Variants in HPSE2 observed in about 807,000 individuals in gnomAD.
HPSE2 encodes the protein inactive heparanase-2.
HPSE2 carries 38 observed loss-of-function variants against 60.5 expected under a neutral mutation model. The observed-to-expected ratio is 0.63, with a 90% CI of 0.48 to 0.82. HPSE2 has a LOEUF of 0.82. Among genes scored for constraint, HPSE2 ranks in the 40% least tolerant of loss-of-function variants. HPSE2 has a pLI of 0.00. For synonymous variants in HPSE2, 295 were observed against 293.2 expected (o/e 1.01, Z -0.06); for missense variants, 713 against 740.4 (o/e 0.96, Z 0.43).
intron 9 of HPSE2, among the ~76,000 whole-genome samples, chr10:98,604,432 A>G (rs962408128): frequency 7.2e-5 from 11 of 152,196 alleles, no homozygotes; most frequent in Non-Finnish European, 1.6e-4. Flanking sequence ...ATCAATAGAA[A>G]TCTCCCAAAT....
intron 2 of HPSE2, among the ~76,000 whole-genome samples, chr10:99,168,127 C>CACACACAT (rs59686037): frequency 2.7e-5 from 4 of 145,790 alleles, no homozygotes; most frequent in African/African-American, 7.5e-5. Flanking sequence ...CACACACACA[C>CACACACAT]GGCTTTGTAG....
At chr10:98,976,592 C>T (rs550916481) in intron 3 of HPSE2, among the ~76,000 whole-genome samples, 2 of 152,120 alleles carry the variant, frequency 1.3e-5, no homozygotes, top group African/African-American at 4.8e-5. Context: ...TCTAACGATA[C>T]AATTCTTAAC....
intron 4 of HPSE2, among the ~76,000 whole-genome samples, chr10:98,729,089 G>T (rs1430119451): frequency 6.6e-6 from 1 of 151,902 alleles, no homozygotes; most frequent in Non-Finnish European, 1.5e-5. Context: ...ACATAAAAAG[G>T]CATGAAAAGT....
intron 9 of HPSE2, among the ~76,000 whole-genome samples, chr10:98,554,283 TA>T (rs997463516): frequency 2.0e-5 from 3 of 152,208 alleles, no homozygotes; most frequent in African/African-American, 7.2e-5. Context: ...TCTTTGTTCC[TA>T]TTATTTGCCT....
At chr10:98,697,206 C>T (rs554261939) in intron 5 of HPSE2, among the ~76,000 whole-genome samples, 10 of 152,276 alleles carry the variant, frequency 6.6e-5, no homozygotes, top group South Asian at 4.1e-4. Context: ...CAACAAACTC[C>T]GCTGAGCTCA....
At chr10:98,848,704 G>A (rs1202395629) in intron 3 of HPSE2, among the ~76,000 whole-genome samples, 3 of 152,166 alleles carry the variant, frequency 2.0e-5, no homozygotes, top group East Asian at 3.9e-4. Flanking sequence ...GACAATGGCA[G>A]GAAAGTAAGG....
chr10:98,984,329 T>C (rs1223678625), intron 3 of HPSE2, among the ~76,000 whole-genome samples: 1 of 152,120 alleles, frequency 6.6e-6, no homozygotes, highest in Non-Finnish European at 1.5e-5. Context: ...ACATTTGCTG[T>C]TTGCCAATAT....
chr10:99,217,399 G>A (rs1849165340), intron 2 of HPSE2, among the ~76,000 whole-genome samples: 1 of 151,868 alleles, frequency 6.6e-6, no homozygotes. Context: ...ATTCAAGCTG[G>A]CTATACTTGG....
chr10:99,081,818 A>G (rs1843152359), intron 3 of HPSE2, among the ~76,000 whole-genome samples: 1 of 151,840 alleles, frequency 6.6e-6, no homozygotes, highest in Admixed American at 6.6e-5. Context: ...TTGTATTTTT[A>G]GTAGAGACAG....
At chr10:98,492,051 A>C (rs974953701) in intron 9 of HPSE2, among the ~76,000 whole-genome samples, 2 of 152,172 alleles carry the variant, frequency 1.3e-5, no homozygotes, top group Non-Finnish European at 2.9e-5. Flanking sequence ...CCTTCATTCC[A>C]ATGTCTTATC....
intron 6 of HPSE2, among the ~76,000 whole-genome samples, chr10:98,658,524 T>C (rs1467446480): frequency 1.3e-5 from 2 of 152,156 alleles, no homozygotes; most frequent in African/African-American, 4.8e-5. Context: ...ATCACTATCA[T>C]TGATTGAAAT....
chr10:98,536,507 C>A (rs1782396910), intron 9 of HPSE2, among the ~76,000 whole-genome samples: 1 of 151,900 alleles, frequency 6.6e-6, no homozygotes, highest in South Asian at 2.1e-4. Flanking sequence ...AATCTCATTA[C>A]AAGAGATAGG....
chr10:98,776,719 C>T lies in HPSE2; in HGVS notation c.611-32663G>A, dbSNP rs186599846. On this transcript the variant is annotated intron_variant, in intron 3 of 11. Coordinates refer to ENST00000370552, the MANE Select transcript of HPSE2 (RefSeq NM_021828.5). ...TGTAAGTGTGATTCTTGCTTGGATC[C>T]GAGATTGGTGGGGTAGTGGGTGGGA... Among the ~76,000 whole-genome samples the T allele has an allele frequency of 1.5e-4, 23 of 151,564 alleles. No homozygotes were observed. The East Asian group carries it at 2.1e-3, about 14-fold the overall frequency.
chr10:99,030,460 G>C (rs1015522665), intron 3 of HPSE2, among the ~76,000 whole-genome samples: 3 of 152,186 alleles, frequency 2.0e-5, no homozygotes, highest in Non-Finnish European at 4.4e-5. Flanking sequence ...TCTCGCCCCA[G>C]TCAAAATGGC....
intron 3 of HPSE2, among the ~76,000 whole-genome samples, chr10:99,099,182 A>G (rs552659355): frequency 6.6e-6 from 1 of 152,314 alleles, no homozygotes; most frequent in African/African-American, 2.4e-5. Flanking sequence ...TGTGAGCTGA[A>G]GCAGCGCGAG....
In HPSE2 at chr10:98,560,479, T is replaced by A. The variant is rs1307387901; in HGVS notation, c.1320+54425A>T. Among the ~76,000 whole-genome samples the A allele has an allele frequency of 6.6e-5, 10 of 152,324 alleles. No individual in the cohort carries two copies. In the East Asian group the frequency reaches 9.6e-4, roughly 15 times the overall value. On this transcript the variant is annotated intron_variant, in intron 9 of 11. Transcript: ENST00000370552. ...CCATGGCCTGCCACTCCCTTGGGGA[T>A]CTCCTGATGAACCCTAAGCAGCCTG...
the HPSE2 span, among the ~76,000 whole-genome samples, chr10:99,282,780 A>C: frequency 6.6e-6 from 1 of 152,220 alleles, no homozygotes; most frequent in African/African-American, 2.4e-5. Context: ...AGAAATCACA[A>C]GGGAAACTTG....
chr10:99,133,967 G>A (rs1368286944), intron 3 of HPSE2, among the ~76,000 whole-genome samples: 5 of 152,192 alleles, frequency 3.3e-5, no homozygotes, highest in African/African-American at 1.2e-4. Flanking sequence ...AGGAAGCTAA[G>A]AACCTTGAAA....
At chr10:99,065,048 T>C (rs1394295928) in intron 3 of HPSE2, among the ~76,000 whole-genome samples, 2 of 152,194 alleles carry the variant, frequency 1.3e-5, no homozygotes, top group Non-Finnish European at 2.9e-5. Context: ...CTAAAATAAT[T>C]ACACCAAACT....
Sources: gnomAD v4.1 joint callset for allele counts (sites outside exome capture counted in the v4.1 genomes callset) on GRCh38, gnomAD v4.1.1 for gene constraint, MANE v1.5 for transcripts, NCBI Gene and HGNC (gene_info 2026-07-23, HGNC 2026-07-21) for gene names.